EYA4: variants seen among roughly 807,000 people sequenced by gnomAD.
EYA4 encodes the protein EYA transcriptional coactivator and phosphatase 4.
Under a neutral mutation model 87.9 loss-of-function variants are expected in EYA4, and 31 were observed. The observed-to-expected ratio is 0.35, with a 90% confidence interval of 0.27 to 0.48. The LOEUF (loss-of-function observed/expected upper bound fraction) is 0.48, where lower values mean the gene tolerates loss of function less well. Among genes scored for constraint, EYA4 ranks in the 20% least tolerant of loss-of-function variants. The probability of loss-of-function intolerance (pLI) is 0.99; values close to 1 mark genes in which losing one functional copy is unlikely to be tolerated. For synonymous variants in EYA4, 263 were observed against 270.6 expected, an observed-to-expected ratio of 0.97 and a Z score of 0.28; for missense variants, 678 against 761.4, an observed-to-expected ratio of 0.89 and a Z score of 1.29.
intron 1 of EYA4, among the ~76,000 whole-genome samples, chr6:133,260,355 A>G (rs1394722554): frequency 1.3e-5 from 2 of 152,068 alleles, no homozygotes; most frequent in African/African-American, 4.8e-5. Flanking sequence ...CTCCTGCCTC[A>G]GCCTCCCGAA....
At chr6:133,478,927 G>T (rs945570564) in intron 11 of EYA4, among the ~76,000 whole-genome samples, 6 of 152,106 alleles carry the variant, frequency 3.9e-5, no homozygotes, top group Non-Finnish European at 8.8e-5. Flanking sequence ...CATGACTGGG[G>T]TTCCTCAAGT....
At chr6:133,296,268 GTGTGGT>G (rs1778938451) in intron 2 of EYA4, among the ~76,000 whole-genome samples, 1 of 152,218 alleles carries the variant, frequency 6.6e-6, no homozygotes, top group South Asian at 2.1e-4. Context: ...CCAAGAGGTG[GTGTGGT>G]GTCAAAACCT....
chr6:133,517,781 A>G (rs1370017796), intron 17 of EYA4, among the ~76,000 whole-genome samples: 2 of 152,176 alleles, frequency 1.3e-5, no homozygotes, highest in African/African-American at 2.4e-5. Flanking sequence ...TGTGGCAGTC[A>G]CGGGTTTGGA....
At chr6:133,515,574 A>C in intron 17 of EYA4, 139 bp downstream of exon 17, 1 of 652,236 alleles carries the variant, frequency 1.5e-6, no homozygotes, top group Non-Finnish European at 2.8e-6. Flanking sequence ...TGATTTTTTC[A>C]ATTTCAGTGC....
At chr6:133,424,395 C>G (rs1432329813) in intron 3 of EYA4, among the ~76,000 whole-genome samples, 1 of 152,272 alleles carries the variant, frequency 6.6e-6, no homozygotes, top group Admixed American at 6.5e-5. Context: ...TCCTTCTGCT[C>G]AAGAATCAGT....
intron 1 of EYA4, among the ~76,000 whole-genome samples, chr6:133,269,689 A>G (rs1011820534): frequency 2.0e-5 from 3 of 152,230 alleles, no homozygotes; most frequent in African/African-American, 2.4e-5. Context: ...GGAATATATG[A>G]CTGGATATAT....
intron 13 of EYA4, among the ~76,000 whole-genome samples, chr6:133,495,927 C>G (rs1797615876): frequency 6.6e-6 from 1 of 152,030 alleles, no homozygotes; most frequent in Non-Finnish European, 1.5e-5. Flanking sequence ...AACTAATGAA[C>G]ATGTTAATTA....
At chr6:133,287,990 G>C (rs1252686368) in intron 2 of EYA4, among the ~76,000 whole-genome samples, 7 of 152,084 alleles carry the variant, frequency 4.6e-5, no homozygotes, top group Non-Finnish European at 1.0e-4. Flanking sequence ...TTAGCCGGGT[G>C]TGGGGGCACA....
chr6:133,388,180 G>T (rs1219050864), intron 3 of EYA4, among the ~76,000 whole-genome samples: 2 of 152,070 alleles, frequency 1.3e-5, no homozygotes, highest in Non-Finnish European at 2.9e-5. Flanking sequence ...GCTGAGGCGG[G>T]TGGATCATCT....
At chr6:133,450,264 C>A (rs896687529) in intron 5 of EYA4, among the ~76,000 whole-genome samples, 5 of 152,116 alleles carry the variant, frequency 3.3e-5, no homozygotes, top group African/African-American at 9.7e-5. Context: ...GGATTACAGG[C>A]CTGAGGCACC....
Position 133,506,117 on chromosome 6 carries a change from G to T in EYA4, c.1203G>T (p.Met401Ile). ...YAQKYGKDPP[M>I]AVTLGLRMEE... ...CATTTTCTTTACAGGATCCCCCCAT[G>T]GCTGTAACCCTTGGACTCCGCATGG... is the stretch of plus-strand genomic sequence containing the variant. The change falls in exon 14 of 20, where the codon ATG becomes ATT. Residue 401 changes from methionine (M) to isoleucine (I), a missense_variant. Coordinates refer to ENST00000355286, the MANE Select transcript of EYA4 (RefSeq NM_004100.5). The T allele has an allele frequency of 6.2e-7, 1 of 1,604,764 alleles. No individual in the cohort carries two copies. The highest frequency in any genetic ancestry group is 8.5e-7 in the Non-Finnish European group (1 of 1,171,694).
chr6:133,395,116 A>G (rs1025588917), intron 3 of EYA4, among the ~76,000 whole-genome samples: 2 of 152,208 alleles, frequency 1.3e-5, no homozygotes, highest in African/African-American at 4.8e-5. Context: ...AACACACAAT[A>G]TTTGACTAAA....
chr6:133,308,645 C>A (rs1391686317), intron 2 of EYA4, among the ~76,000 whole-genome samples: 1 of 152,122 alleles, frequency 6.6e-6, no homozygotes, highest in Non-Finnish European at 1.5e-5. Context: ...TTTGGTTTTA[C>A]TACTTATGAG....
At position 133,516,617 on chromosome 6, in the gene EYA4, G is replaced by A. The variant is rs750058303; in HGVS notation, c.1616+1182G>A. Among the ~76,000 whole-genome samples the A allele has an allele frequency of 3.9e-4, 59 of 151,478 alleles. No individual in the cohort carries two copies. The East Asian group carries it at 4.1e-3, about 10-fold the overall frequency. On this transcript the variant is annotated intron_variant, in intron 17 of 19. Transcript: ENST00000355286. ...TGCACACCTGTAGTCCCAGCTACTC[G>A]GGAGGCTGAGGCAGGAGAGTTGCTT...
chr6:133,317,192 A>G (rs574213013), intron 2 of EYA4, among the ~76,000 whole-genome samples: 1 of 152,322 alleles, frequency 6.6e-6, no homozygotes, highest in African/African-American at 2.4e-5. Context: ...TAAGAAAGAG[A>G]TACTTGTGGG....
At chr6:133,484,214 G>T (rs1457750055) in intron 13 of EYA4, among the ~76,000 whole-genome samples, 1 of 152,142 alleles carries the variant, frequency 6.6e-6, no homozygotes, top group Admixed American at 6.5e-5. Context: ...TTGGCTTACT[G>T]TCAGTTACTA....
intron 16 of EYA4, among the ~76,000 whole-genome samples, chr6:133,513,264 C>T (rs969337204): frequency 6.6e-6 from 1 of 152,124 alleles, no homozygotes; most frequent in African/African-American, 2.4e-5. Context: ...ACCTTGTGCC[C>T]AGATGTTTGG....
At chr6:133,446,511 T>C in intron 3 of EYA4, 119 bp from the exon 4 acceptor site, 1 of 1,130,466 alleles carries the variant, frequency 8.8e-7, no homozygotes, top group South Asian at 1.3e-5. Context: ...TGACTAAGTC[T>C]TAGATACTGG....
chr6:133,294,063 A>ATATATATATAT (rs1778746762), intron 2 of EYA4, among the ~76,000 whole-genome samples: 3 of 81,774 alleles, frequency 3.7e-5, no homozygotes, highest in Non-Finnish European at 5.3e-5. Flanking sequence ...ATATATATAT[A>ATATATATATAT]ATTCTATTCT....
Sources: gnomAD v4.1 joint callset for allele counts (sites outside exome capture counted in the v4.1 genomes callset) on GRCh38, gnomAD v4.1.1 for gene constraint, MANE v1.5 for transcripts, NCBI Gene and HGNC (gene_info 2026-07-23, HGNC 2026-07-21) for gene names.